The following TMED1 variants were observed in gnomAD, a reference collection of about 807,000 sequenced individuals.
TMED1 encodes the protein transmembrane p24 trafficking protein 1.
Under a neutral mutation model 21.2 loss-of-function variants are expected in TMED1, and 20 were observed. That is an observed-to-expected ratio of 0.95 (90% CI 0.67 to 1.37). TMED1 has a LOEUF of 1.37. Among genes scored for constraint, TMED1 ranks in the 40% most tolerant of loss-of-function variants. TMED1 has a pLI of 0.00. For synonymous variants in TMED1, 149 were observed against 134.7 expected (o/e 1.11, Z -0.74); for missense variants, 316 against 309.8 (o/e 1.02, Z -0.15).
rs2073382436 is a variant in TMED1, at chr19:10,833,242, G to C, written c.466-29C>G. 4 of 1,579,534 alleles carry C rather than the reference G, an allele frequency of 2.5e-6. No homozygotes were observed. In the East Asian group the frequency reaches 6.9e-5, roughly 27 times the overall value. On this transcript the variant is annotated intron_variant, in intron 3 of 3. Transcript: ENST00000214869. ...CAGGGCAGCGGGAGGGGAAGGGTCA[G>C]GCCTCCCTCCACCCATCAGGGAGCA...
rs763717018 is a variant in TMED1 at position 10,835,229 on chromosome 19, C to G, written c.281+27G>C. The stretch of plus-strand genomic sequence containing the variant: ...GGGAAGGGCAGGGCTGTAACTGAAC[C>G]CAGGCAGGCATCAAGACTGAACTCA... On this transcript the variant is annotated intron_variant, in intron 2 of 3. Transcript: ENST00000214869. The G allele has an allele frequency of 2.5e-6, 4 of 1,613,824 alleles. No individual in the cohort carries two copies. In the East Asian group the frequency reaches 6.7e-5, roughly 27 times the overall value.
intron 3 of TMED1, 112 bp downstream of exon 3, chr19:10,834,821 TA>T: frequency 8.0e-7 from 1 of 1,245,512 alleles, no homozygotes; most frequent in Non-Finnish European, 1.1e-6. Flanking sequence ...ACTCTTACTA[TA>T]ATTCAGTTGG....
chr19:10,835,669 C>A, intron 1 of TMED1: 1 of 1,400,662 alleles, frequency 7.1e-7, no homozygotes, highest in South Asian at 1.6e-5. Context: ...CTTAGTCTAA[C>A]CCCCGAGAAA....
Position 10,835,981 on chromosome 19 carries a change from G to C in TMED1, c.183+28C>G, listed in dbSNP as rs1285599670. ...GGCCACGCCCCCTCTCCCTGACTCT[G>C]CTGGCCGCCCAGCCCGCGACCCTCT... On this transcript the variant is annotated intron_variant, in intron 1 of 3. Transcript: ENST00000214869. The C allele has an allele frequency of 2.6e-6, 4 of 1,548,638 alleles. No homozygotes were observed. In the African/African-American group the frequency reaches 5.5e-5, roughly 21 times the overall value.
intron 3 of TMED1, 27 bp downstream of exon 3, chr19:10,834,907 A>C (rs2073407765): frequency 1.2e-6 from 2 of 1,604,280 alleles, no homozygotes. Flanking sequence ...ATCTGGAAGG[A>C]GTGGCCCCAG....
rs2073408449 is a variant in TMED1 at position 10,834,942 on chromosome 19, C to A, written c.457G>T (p.Asp153Tyr). The change falls in exon 3 of 4, where the codon GAC becomes TAC. Residue 153 changes from aspartate to tyrosine, a missense_variant. Physicochemically the swap from Asp to Tyr is radical, Grantham distance 160. Transcript: ENST00000214869. ...PEEMLDVKME[D>Y]IKESIETMRT... Reference sequence around the variant, plus strand: ...GCGCAGCCTGGACACACCTTGATGTCCTCCATTTTAACATCCAGCATCTCC... The same window carrying A: ...GCGCAGCCTGGACACACCTTGATGTACTCCATTTTAACATCCAGCATCTCC... 1 of 1,613,736 alleles carries A rather than the reference C, an allele frequency of 6.2e-7. No homozygotes were observed. Among genetic ancestry groups the A allele is most frequent in the African/African-American group, 1.3e-5 (1 of 75,060 alleles).
chr19:10,832,422 A>C lies in TMED1; in HGVS notation c.*573T>G, dbSNP rs576337322. On this transcript the variant is annotated 3_prime_UTR_variant, in exon 4 of 4. Transcript: ENST00000214869. Reference sequence around the variant, plus strand: ...GTCCTGGCTGGTGTCCCTGAGCCCCAATCAGCAGGCTCTTGTGATTTTCTG... The same window carrying C: ...GTCCTGGCTGGTGTCCCTGAGCCCCCATCAGCAGGCTCTTGTGATTTTCTG... 7.7e-6 allele frequency: 9 copies of C among 1,164,682 alleles called. No individual in the cohort carries two copies. Among genetic ancestry groups the C allele is most frequent in the African/African-American group, 1.6e-5 (1 of 62,996 alleles). 72.1% of individuals were successfully genotyped at this position (1,164,682 alleles called of 1,614,324 possible).
chr19:10,832,421 C>A lies in TMED1; in HGVS notation c.*574G>T. On this transcript the variant is annotated 3_prime_UTR_variant, in exon 4 of 4. Coordinates refer to ENST00000214869, the MANE Select transcript of TMED1 (RefSeq NM_006858.4). Reference sequence around the variant, plus strand: ...TGTCCTGGCTGGTGTCCCTGAGCCCCAATCAGCAGGCTCTTGTGATTTTCT... The same window carrying A: ...TGTCCTGGCTGGTGTCCCTGAGCCCAAATCAGCAGGCTCTTGTGATTTTCT... 8.6e-7 allele frequency: 1 copy of A among 1,165,888 alleles called. No homozygotes were observed. The highest frequency in any genetic ancestry group is 1.1e-6 in the Non-Finnish European group (1 of 878,718). The allele number at this position is 1,165,888 out of a possible 1,614,324, so 72.2% of individuals were successfully genotyped here.
intron 3 of TMED1, chr19:10,833,458 T>C: frequency 1.8e-6 from 1 of 568,120 alleles, no homozygotes. Context: ...TGTGAACATT[T>C]AATGCCTAAA....
rs988159778 is a variant in TMED1 at position 10,835,103 on chromosome 19, T to C, written c.296A>G (p.Glu99Gly). 2 of 1,613,752 alleles carry C rather than the reference T, an allele frequency of 1.2e-6. No individual in the cohort carries two copies. Among genetic ancestry groups the C allele is most frequent in the African/African-American group, 2.7e-5 (2 of 74,912 alleles). Residue 99 changes from glutamate (E) to glycine (G), a missense_variant, in exon 3 of 4, where the codon GAG (glutamate) becomes GGG (glycine). Coordinates refer to ENST00000214869, the MANE Select transcript of TMED1 (RefSeq NM_006858.4). ...AAAGCACAGCTTGTAGTCCCCGGCC[T>C]CCGTTGGCTCCACCCTGGGCAGACA... ...ADGVHTVEPT[E>G]AGDYKLCFDN...
chr19:10,832,278 GCTTT>G lies in TMED1; in HGVS notation c.*713_*716del, dbSNP rs978127110. ...CCCAACTGGGGCTCAGTTAAACTTT[GCTTT>G]CTGATTTTTCTCTTGTGCCAGGCGA... On this transcript the variant is annotated 3_prime_UTR_variant, in exon 4 of 4. Transcript: ENST00000214869. 3.1e-6 allele frequency: 4 copies of G among 1,289,688 alleles called. No individual in the cohort carries two copies. The highest frequency in any genetic ancestry group is 4.0e-6 in the Non-Finnish European group (4 of 988,812). The allele number at this position is 1,289,688 out of a possible 1,614,324, so 79.9% of individuals were successfully genotyped here.
At chr19:10,835,488 C>CCCCAACCTGT (rs1433386058) in intron 1 of TMED1, 135 bp from the exon 2 acceptor site, 1 of 1,488,402 alleles carries the variant, frequency 6.7e-7, no homozygotes, top group African/African-American at 1.4e-5. Context: ...CCCACACCCG[C>CCCCAACCTGT]CCCAACCTGT....
chr19:10,835,060 G>T lies in TMED1; in HGVS notation c.339C>A (p.Thr113=). The change falls in exon 3 of 4, where the codon ACC becomes ACA. Residue 113 remains threonine, a synonymous_variant. Coordinates refer to ENST00000214869, the MANE Select transcript of TMED1 (RefSeq NM_006858.4). ...CAAAGAACACCAGCTTCTCGGAGATGGTGCTGAAGGAGTTGTCAAAGCACA... is the reference window on the plus strand; with the variant it reads ...CAAAGAACACCAGCTTCTCGGAGATTGTGCTGAAGGAGTTGTCAAAGCACA... ...YKLCFDNSFS[T]ISEKLVFFEL... 1 of 1,614,240 alleles carries T rather than the reference G, an allele frequency of 6.2e-7. No homozygotes were observed.
chr19:10,832,655 C>T lies in TMED1; in HGVS notation c.*340G>A, dbSNP rs2073371979. 4 of 569,300 alleles carry T rather than the reference C, an allele frequency of 7.0e-6. No individual in the cohort carries two copies. The highest frequency in any genetic ancestry group is 3.1e-6 in the Non-Finnish European group (1 of 319,536). 35.3% of individuals were successfully genotyped at this position (569,300 alleles called of 1,614,324 possible). ...AGGGCCCAGGTTTCCTTGTTAGGCC[C>T]TGCCCCGCACCAGGCAACGCTAACA... On this transcript the variant is annotated 3_prime_UTR_variant, in exon 4 of 4. Transcript: ENST00000214869.
chr19:10,833,462 G>C, intron 3 of TMED1: 1 of 563,106 alleles, frequency 1.8e-6, no homozygotes. Context: ...AACATTTAAT[G>C]CCTAAATAAA....
rs1190586739 is a variant in TMED1 at position 10,832,382 on chromosome 19, C to A, written c.*613G>T. The A allele has an allele frequency of 3.9e-6, 5 of 1,289,186 alleles. No homozygotes were observed. In the Admixed American group the frequency reaches 6.9e-5, roughly 18 times the overall value. The allele number at this position is 1,289,186 out of a possible 1,614,324, so 79.9% of individuals were successfully genotyped here. The stretch of plus-strand genomic sequence containing the variant: ...CCCCTCCCACCTGTCTGGCTGCCCC[C>A]TCGGGGGCCGGTCTGTCCTGGCTGG... On this transcript the variant is annotated 3_prime_UTR_variant, in exon 4 of 4. Transcript: ENST00000214869.
rs771379857 is a variant in TMED1 at position 10,832,566 on chromosome 19, C to T, written c.*429G>A. 13 of 464,938 alleles carry T rather than the reference C, an allele frequency of 2.8e-5. No homozygotes were observed. The highest frequency in any genetic ancestry group is 6.4e-5 in the South Asian group (3 of 47,006). 28.8% of individuals were successfully genotyped at this position (464,938 alleles called of 1,614,324 possible). On this transcript the variant is annotated 3_prime_UTR_variant, in exon 4 of 4. Transcript: ENST00000214869. ...TGTGGGGCCCCTGCAGGAGAGGGGC[C>T]GGGGCAGGTGGTCTTCCAGGCCCCC...
Position 10,832,166 on chromosome 19 carries a change from T to A in TMED1, c.*829A>T. The stretch of plus-strand genomic sequence containing the variant: ...CACGTGCACAGGCCTGGCTGCTGCC[T>A]GGTGAAGCGGGGACCCCAGCGCTCC... On this transcript the variant is annotated 3_prime_UTR_variant, in exon 4 of 4. Transcript: ENST00000214869. The A allele has an allele frequency of 1.4e-6, 1 of 706,894 alleles. No individual in the cohort carries two copies. Among genetic ancestry groups the A allele is most frequent in the Non-Finnish European group, 2.1e-6 (1 of 467,846 alleles). The allele number at this position is 706,894 out of a possible 1,614,324, so 43.8% of individuals were successfully genotyped here. A position where few individuals can be genotyped will look rare whatever the true frequency, so the allele number is the denominator to read the frequency against.
Position 10,836,179 on chromosome 19 carries a change from C to G in TMED1, c.13G>C (p.Gly5Arg). 2 of 1,550,946 alleles carry G rather than the reference C, an allele frequency of 1.3e-6. No homozygotes were observed. The highest frequency in any genetic ancestry group is 1.7e-6 in the Non-Finnish European group (2 of 1,151,558). Residue 5 changes from glycine (G) to arginine (R), a missense_variant, in exon 1 of 4, where the codon GGC becomes CGC. Physicochemically the swap from Gly to Arg is moderately radical, Grantham distance 125 (BLOSUM62 -2). Transcript: ENST00000214869. ...CACAAGGCCAGGGCTAGGGCCGCGC[C>G]GGCCGCCATCATCCGGGTCACCCTC... MMAA[G>R]AALALALWLL...
Sources: gnomAD v4.1 joint callset for allele counts on GRCh38, gnomAD v4.1.1 for gene constraint, MANE v1.5 for transcripts, NCBI Gene and HGNC (gene_info 2026-07-23, HGNC 2026-07-21) for gene names.